Variants in CAMTA1 observed in about 807,000 individuals in gnomAD.
CAMTA1 encodes calmodulin-binding transcription activator 1.
CAMTA1 carries 27 observed loss-of-function variants against 170.9 expected under a neutral mutation model. That is an observed-to-expected ratio of 0.16 (90% CI 0.12 to 0.22). CAMTA1 has a LOEUF of 0.22. Among genes scored for constraint, CAMTA1 ranks in the 10% least tolerant of loss-of-function variants. The pLI, the probability that CAMTA1 is intolerant of heterozygous loss-of-function variation, is 1.00. For synonymous variants in CAMTA1, 833 were observed against 891.5 expected (o/e 0.93, Z 1.17); for missense variants, 1,619 against 2,217.2 (o/e 0.73, Z 5.42).
intron 3 of CAMTA1, among the ~76,000 whole-genome samples, chr1:6,904,385 C>G (rs1677809788): frequency 6.6e-6 from 1 of 152,204 alleles, no homozygotes; most frequent in South Asian, 2.1e-4. Context: ...CAAGGGCACC[C>G]TCTGAGATGG....
chr1:7,398,183 C>CATATATA, intron 5 of CAMTA1, among the ~76,000 whole-genome samples: 1 of 45,244 alleles, frequency 2.2e-5, no homozygotes, highest in African/African-American at 8.7e-5. Flanking sequence ...CTCTCTCTCT[C>CATATATA]TCTCTCTCTC....
chr1:7,589,580 G>A (rs755055767), intron 6 of CAMTA1, among the ~76,000 whole-genome samples: 1 of 152,142 alleles, frequency 6.6e-6, no homozygotes, highest in Admixed American at 6.5e-5. Context: ...GGTTGTCTCC[G>A]CTGGCTCCAG....
In CAMTA1 at chr1:7,680,669, C is replaced by A. The variant is rs1192621025; in HGVS notation, c.2914+2936C>A. The stretch of plus-strand genomic sequence containing the variant: ...TCGGTGGGCGGCGAGCCCTGGCTCC[C>A]TCGTTCGGTGGCCTCTGCTGCATGT... On this transcript the variant is annotated intron_variant, in intron 11 of 22. Coordinates refer to ENST00000303635, the MANE Select transcript of CAMTA1 (RefSeq NM_015215.4). This position sits in a 1 kb window ranked among gnomAD's most constrained non-coding sequence, Gnocchi z 4.4. Among the ~76,000 whole-genome samples, 11 of 152,130 alleles carry A rather than the reference C, an allele frequency of 7.2e-5. No individual in the cohort carries two copies.
At chr1:6,897,084 C>T (rs1255811733) in intron 3 of CAMTA1, among the ~76,000 whole-genome samples, 1 of 152,130 alleles carries the variant, frequency 6.6e-6, no homozygotes, top group Non-Finnish European at 1.5e-5. Flanking sequence ...AGAACCTCTC[C>T]CTTCTCATGT....
intron 3 of CAMTA1, among the ~76,000 whole-genome samples, chr1:7,070,398 C>T (rs918634306): frequency 6.6e-6 from 1 of 152,186 alleles, no homozygotes; most frequent in Non-Finnish European, 1.5e-5. Context: ...AATCATTTTT[C>T]ATTCAGTTAC....
At chr1:7,295,591 A>G (rs996934505) in intron 5 of CAMTA1, among the ~76,000 whole-genome samples, 4 of 152,244 alleles carry the variant, frequency 2.6e-5, no homozygotes, top group African/African-American at 9.6e-5. Flanking sequence ...TCATTTCAGT[A>G]TCACACGGCC....
chr1:7,475,645 AG>A (rs1208422212), intron 6 of CAMTA1, among the ~76,000 whole-genome samples: 1 of 152,240 alleles, frequency 6.6e-6, no homozygotes, highest in Non-Finnish European at 1.5e-5. Flanking sequence ...TGCATGGCTC[AG>A]GAGACCACAG....
chr1:7,423,248 A>C (rs1408798518), intron 5 of CAMTA1, among the ~76,000 whole-genome samples: 1 of 152,184 alleles, frequency 6.6e-6, no homozygotes, highest in Non-Finnish European at 1.5e-5. Flanking sequence ...AGGCAGGTGG[A>C]TCACCAGAGG....
At chr1:7,676,954 G>GGA in intron 10 of CAMTA1, among the ~76,000 whole-genome samples, 1 of 152,294 alleles carries the variant, frequency 6.6e-6, no homozygotes, top group East Asian at 1.9e-4. Context: ...AGCAGTTAAC[G>GGA]AGACCTGCCA....
At chr1:7,111,246 T>G (rs191558627) in intron 4 of CAMTA1, among the ~76,000 whole-genome samples, 27 of 152,344 alleles carry the variant, frequency 1.8e-4, no homozygotes, top group African/African-American at 3.6e-4. Flanking sequence ...CAGTCTTAAT[T>G]CAACTTGCCA....
intron 3 of CAMTA1, among the ~76,000 whole-genome samples, chr1:7,021,280 C>A (rs576832268): frequency 1.3e-5 from 2 of 152,172 alleles, no homozygotes; most frequent in African/African-American, 4.8e-5. Flanking sequence ...TAGGAAGGTG[C>A]GGGGTCTCTG....
At position 7,234,665 on chromosome 1, in the gene CAMTA1, C is replaced by T. The variant is rs979112504; in HGVS notation, c.303-14826C>T. On this transcript the variant is annotated intron_variant, in intron 4 of 22. Coordinates refer to ENST00000303635, the MANE Select transcript of CAMTA1 (RefSeq NM_015215.4). This position sits in a 1 kb window ranked among gnomAD's most constrained non-coding sequence, Gnocchi z 5.0. The stretch of plus-strand genomic sequence containing the variant: ...GCGTTCCTCCAGTCTTGCTCTGGAG[C>T]GAGTCTTGGTCATTACCATCTCTCC... Among the ~76,000 whole-genome samples, 4 of 152,210 alleles carry T rather than the reference C, an allele frequency of 2.6e-5. No homozygotes were observed. In the South Asian group the frequency reaches 6.2e-4, roughly 24 times the overall value.
rs1451818825 is a variant in CAMTA1 at position 6,918,103 on chromosome 1, C to A, written c.234+92893C>A. Among the ~76,000 whole-genome samples, 2 of 152,042 alleles carry A rather than the reference C, an allele frequency of 1.3e-5. No individual in the cohort carries two copies. Among genetic ancestry groups the A allele is most frequent in the Non-Finnish European group, 2.9e-5 (2 of 68,020 alleles). ...TGTCTCTAACTTTCCTTCTGTGGCT[C>A]CTAATGGTGAAGGCCTCCCATGCTC... is the stretch of plus-strand genomic sequence containing the variant. On this transcript the variant is annotated intron_variant, in intron 3 of 22. Coordinates refer to ENST00000303635, the MANE Select transcript of CAMTA1 (RefSeq NM_015215.4). The surrounding 1 kb of genome is among the most constrained non-coding windows in gnomAD (Gnocchi z 4.0).
intron 11 of CAMTA1, among the ~76,000 whole-genome samples, chr1:7,705,811 C>T (rs1297102808): frequency 2.0e-5 from 3 of 152,180 alleles, no homozygotes; most frequent in Admixed American, 2.0e-4. Flanking sequence ...CAGGGCAGTC[C>T]TGAAAGTGGA....
In CAMTA1 at chr1:7,592,650, G is replaced by A. The variant is rs1343952341; in HGVS notation, c.511-47750G>A. 6.6e-6 allele frequency among the ~76,000 whole-genome samples: 1 copy of A among 152,106 alleles called. No individual in the cohort carries two copies. The highest frequency in any genetic ancestry group is 1.5e-5 in the Non-Finnish European group (1 of 68,014). On this transcript the variant is annotated intron_variant, in intron 6 of 22. Transcript: ENST00000303635. This position sits in a 1 kb window ranked among gnomAD's most constrained non-coding sequence, Gnocchi z 4.6. The stretch of plus-strand genomic sequence containing the variant: ...GGGGAGTGTCCAGGCGTTGCTGCAT[G>A]AGTTGCCTCTGGGAGGCTTTGGGTC...
Position 6,927,537 on chromosome 1 carries a change from C to A in CAMTA1, c.234+102327C>A, listed in dbSNP as rs139658938. Among the ~76,000 whole-genome samples the A allele has an allele frequency of 4.6e-3, 694 of 152,336 alleles. 8 individuals carry two copies. Among genetic ancestry groups the A allele is most frequent in the African/African-American group, 0.016 (678 of 41,564 alleles). On this transcript the variant is annotated intron_variant, in intron 3 of 22. Coordinates refer to ENST00000303635, the MANE Select transcript of CAMTA1 (RefSeq NM_015215.4). ...ATATGTGTGCCTATCAGGCACTGGACAACTGTAAAATCCTGGGATCAGATT... is the reference window on the plus strand; with the variant it reads ...ATATGTGTGCCTATCAGGCACTGGAAAACTGTAAAATCCTGGGATCAGATT...
intron 4 of CAMTA1, among the ~76,000 whole-genome samples, chr1:7,190,941 T>A (rs1175886995): frequency 6.6e-6 from 1 of 152,228 alleles, no homozygotes; most frequent in Non-Finnish European, 1.5e-5. Flanking sequence ...GTGTAATTAG[T>A]GCTTTAATGG....
At position 7,549,816 on chromosome 1, in the gene CAMTA1, C is replaced by A. The variant is rs1050968610; in HGVS notation, c.510+81915C>A. 3.5e-5 allele frequency among the ~76,000 whole-genome samples: 5 copies of A among 144,722 alleles called. No individual in the cohort carries two copies. In the South Asian group the frequency reaches 1.2e-3, roughly 36 times the overall value. 94.9% of individuals were successfully genotyped at this position (144,722 alleles called of 152,430 possible). Reference sequence around the variant, plus strand: ...CAGAGTAAGAATGGGAGGGTGAGGGCGGGAGGGTTTCATTCTTCAAGAACT... The same window carrying A: ...CAGAGTAAGAATGGGAGGGTGAGGGAGGGAGGGTTTCATTCTTCAAGAACT... On this transcript the variant is annotated intron_variant, in intron 6 of 22. Transcript: ENST00000303635.
intron 3 of CAMTA1, among the ~76,000 whole-genome samples, chr1:6,949,693 T>C (rs1688152004): frequency 6.6e-6 from 1 of 152,234 alleles, no homozygotes; most frequent in Non-Finnish European, 1.5e-5. Context: ...GCAAATTTTT[T>C]AGTACTTCTG....
Sources: gnomAD v4.1 joint callset for allele counts (sites outside exome capture counted in the v4.1 genomes callset) on GRCh38, gnomAD v4.1.1 for gene constraint, Gnocchi (gnomAD v3.1) non-coding constraint, MANE v1.5 for transcripts, NCBI Gene and HGNC (gene_info 2026-07-23, HGNC 2026-07-21) for gene names.